The following MYH2 variants were observed in gnomAD, a reference collection of about 807,000 sequenced individuals.
The protein encoded by MYH2 is myosin-2.
A neutral mutation model predicts 228.1 loss-of-function variants in MYH2; 139 were observed. That is an observed-to-expected ratio of 0.61 (90% CI 0.53 to 0.70). The LOEUF (loss-of-function observed/expected upper bound fraction) is 0.70. Ranked by LOEUF, MYH2 falls within the 30% of genes least tolerant of loss-of-function variation. The pLI is 0.00. For synonymous variants in MYH2, 796 were observed against 871.1 expected, an observed-to-expected ratio of 0.91 and a Z score of 1.52; for missense variants, 1,809 against 2,357.5, an observed-to-expected ratio of 0.77 and a Z score of 4.82.
chr17:10,547,207 G>A (rs2073646524), intron 4 of MYH2, among the ~76,000 whole-genome samples: 1 of 152,342 alleles, frequency 6.6e-6, no homozygotes, highest in Non-Finnish European at 1.5e-5. Context: ...TGAAATATAA[G>A]TAGTAACTGC....
At chr17:10,521,892 G>A (rs2073290087) in intron 39 of MYH2, among the ~76,000 whole-genome samples, 2 of 151,938 alleles carry the variant, frequency 1.3e-5, no homozygotes, top group Non-Finnish European at 2.9e-5. Context: ...TTTTCCTCCT[G>A]CATTGGATGT....
In MYH2 at chr17:10,523,766, A is replaced by G; in HGVS notation, c.5294T>C (p.Ile1765Thr). 6.2e-7 allele frequency: 1 copy of G among 1,614,244 alleles called. No individual in the cohort carries two copies. The change falls in exon 36 of 40, where the codon ATC becomes ACC. Residue 1765 changes from isoleucine (I) to threonine (T), a missense_variant. Physicochemically the swap from Ile to Thr is moderately conservative, Grantham distance 89. Around this residue, in one of 9 missense-constraint regions of MYH2, gnomAD observed 278 missense variants for 308.5 expected, o/e 0.90. Coordinates refer to ENST00000245503, the MANE Select transcript of MYH2 (RefSeq NM_017534.6). ...RNAEEKAKKA[I>T]TDAAMMAEEL... ...AGTGTGCCTGCCACTCACATCAGTGATGGCCTTCTTGGCCTTTTCTTCTGC... is the reference window on the plus strand; with the variant it reads ...AGTGTGCCTGCCACTCACATCAGTGGTGGCCTTCTTGGCCTTTTCTTCTGC...
Position 10,529,597 on chromosome 17 carries a change from T to C in MYH2, c.3084A>G (p.Lys1028=), listed in dbSNP as rs2073399605. 6.2e-7 allele frequency: 1 copy of C among 1,614,178 alleles called. No individual in the cohort carries two copies. Residue 1028 remains lysine (K), a synonymous_variant, in exon 24 of 40, where the codon AAA becomes AAG. Coordinates refer to ENST00000245503, the MANE Select transcript of MYH2 (RefSeq NM_017534.6). ...AEEDKVNTLT[K]AKIKLEQQVD... is the part of the protein sequence containing the mutation. ...CTTGTTGTTCAAGTTTGATTTTAGC[T>C]TTGGTCAGGGTGTTGACTTTGTCCT...
chr17:10,539,082 C>G (rs1375816350), intron 14 of MYH2, 123 bp downstream of exon 14: 6 of 1,567,340 alleles, frequency 3.8e-6, no homozygotes, highest in African/African-American at 1.4e-5. Context: ...CAGTTACTCT[C>G]TTTTAAGGCT....
At chr17:10,527,632 C>A (rs965063496) in intron 28 of MYH2, 116 bp downstream of exon 28, 1 of 1,502,446 alleles carries the variant, frequency 6.7e-7, no homozygotes, top group South Asian at 1.1e-5. Context: ...CTGAGCTGTT[C>A]AGTGAATCAG....
chr17:10,535,041 T>G (rs200287492), intron 19 of MYH2, 32 bp downstream of exon 19: 535 of 1,607,422 alleles, frequency 3.3e-4, no homozygotes, highest in Non-Finnish European at 4.4e-4. Context: ...CATATTAAAC[T>G]TCAGAATACA....
rs1407553644 is a variant in MYH2, at chr17:10,524,070, C to T, written c.5176-186G>A. 1.3e-5 allele frequency among the ~76,000 whole-genome samples: 2 copies of T among 152,130 alleles called. No individual in the cohort carries two copies. The highest frequency in any genetic ancestry group is 1.9e-4 in the East Asian group (1 of 5,192). On this transcript the variant is annotated intron_variant, in intron 35 of 39. Coordinates refer to ENST00000245503, the MANE Select transcript of MYH2 (RefSeq NM_017534.6). This position sits in a 1 kb window ranked among gnomAD's most constrained non-coding sequence, Gnocchi z 4.7. ...ATAAATGTTATAGAATATTCAGCATCTTCAAGTGTATAGGTCACAAGCAGA... is the reference window on the plus strand; with the variant it reads ...ATAAATGTTATAGAATATTCAGCATTTTCAAGTGTATAGGTCACAAGCAGA...
At chr17:10,522,635 A>C (rs1193768856) in intron 39 of MYH2, among the ~76,000 whole-genome samples, 1 of 152,106 alleles carries the variant, frequency 6.6e-6, no homozygotes, top group Non-Finnish European at 1.5e-5. Context: ...TAAAGCAATG[A>C]ATTAGCCTCC....
Position 10,537,959 on chromosome 17 carries a change from G to T in MYH2, c.1417-124C>A. The T allele has an allele frequency of 1.3e-6, 2 of 1,511,224 alleles. No homozygotes were observed. Among genetic ancestry groups the T allele is most frequent in the Non-Finnish European group, 1.8e-6 (2 of 1,115,884 alleles). The allele number at this position is 1,511,224 out of a possible 1,614,324, so 93.6% of individuals were successfully genotyped here. On this transcript the variant is annotated intron_variant, in intron 14 of 39. Transcript: ENST00000245503. The surrounding 1 kb of genome is among the most constrained non-coding windows in gnomAD (Gnocchi z 4.0). The stretch of plus-strand genomic sequence containing the variant: ...ATATTACAGATATTAAAATCACTGG[G>T]TTAAAGAGACTTTGAAATAAAAGGT...
At chr17:10,545,856 T>G (rs62060667) in intron 4 of MYH2, among the ~76,000 whole-genome samples, 66,085 of 151,986 alleles carry the variant, frequency 0.43, 15,096 homozygotes, top group East Asian at 0.85. Flanking sequence ...AGGCATCAGC[T>G]TGAAAACTAG....
At chr17:10,523,923 A>G (rs779375882) in intron 35 of MYH2, 39 bp from the exon 36 acceptor site, 4 of 1,600,512 alleles carry the variant, frequency 2.5e-6, no homozygotes, top group Non-Finnish European at 2.6e-6. Context: ...AAATTGTGTT[A>G]CCAAAGTATT....
intron 4 of MYH2, among the ~76,000 whole-genome samples, chr17:10,546,455 A>G (rs1185617329): frequency 6.6e-6 from 1 of 151,980 alleles, no homozygotes; most frequent in East Asian, 1.9e-4. Flanking sequence ...TGAATATAGT[A>G]TAATAAATTT....
At chr17:10,540,106 C>G (rs1362145188) in intron 11 of MYH2, 40 bp from the exon 12 acceptor site, 2 of 1,613,068 alleles carry the variant, frequency 1.2e-6, no homozygotes, top group Non-Finnish European at 1.7e-6. Context: ...AGGTTGTGAT[C>G]CACACGCTTA....
chr17:10,525,549 G>A lies in MYH2; in HGVS notation c.4439C>T (p.Ala1480Val), dbSNP rs1303566428. ...GAACAGCTCAGTGCCAAGGGAACGG[G>A]CCTCCTTCTGGGAGGCCTCAAGCTC... ...HAELEASQKE[A>V]RSLGTELFKI... The change falls in exon 32 of 40, where the codon GCC becomes GTC. Residue 1480 changes from alanine to valine, a missense_variant. Transcript: ENST00000245503. This position sits in a 1 kb window ranked among gnomAD's most constrained non-coding sequence, Gnocchi z 4.2. 4 of 1,614,026 alleles carry A rather than the reference G, an allele frequency of 2.5e-6. No individual in the cohort carries two copies. The highest frequency in any genetic ancestry group is 2.5e-6 in the Non-Finnish European group (3 of 1,180,030).
chr17:10,523,563 C>T lies in MYH2; in HGVS notation c.5405G>A (p.Arg1802His), dbSNP rs777282924. ...MEQTVKDLQL[R>H]LDEAEQLALK... ...GGCCAGCTGCTCAGCCTCATCCAGA[C>T]GGAGCTGCAGATCCTTCACGGTCTG... The change falls in exon 37 of 40, where the codon CGT becomes CAT. Residue 1802 changes from arginine (R) to histidine (H), a missense_variant. Physicochemically the swap from Arg to His is conservative, Grantham distance 29. Around this residue, in one of 9 missense-constraint regions of MYH2, gnomAD observed 278 missense variants for 308.5 expected, o/e 0.90. Coordinates refer to ENST00000245503, the MANE Select transcript of MYH2 (RefSeq NM_017534.6). 6.1e-5 allele frequency: 98 copies of T among 1,614,088 alleles called. No individual in the cohort carries two copies. Among genetic ancestry groups the T allele is most frequent in the Non-Finnish European group, 7.1e-5 (84 of 1,180,046 alleles).
intron 12 of MYH2, 53 bp from the exon 13 acceptor site, chr17:10,539,615 TC>T (rs2073527267): frequency 1.3e-6 from 2 of 1,512,080 alleles, no homozygotes; most frequent in Admixed American, 1.7e-5. Flanking sequence ...GAAACCCACT[TC>T]CTTAAAAATA....
chr17:10,541,760 C>G (rs1242441174), intron 10 of MYH2, among the ~76,000 whole-genome samples: 1 of 152,136 alleles, frequency 6.6e-6, no homozygotes, highest in Non-Finnish European at 1.5e-5. Flanking sequence ...TAAAATTTCT[C>G]TCTTTTGTAC....
rs201768483 is a variant in MYH2, at chr17:10,528,893, G to A, written c.3541C>T (p.Arg1181Cys). The stretch of plus-strand genomic sequence containing the variant: ...AGGGTGGCCTCCTCCAGGTCCCTGC[G>A]CATTTTCTGGAACTCAGCCTCCCGC... ...KKREAEFQKM[R>C]RDLEEATLQH... is the part of the protein sequence containing the mutation. Residue 1181 changes from arginine to cysteine, a missense_variant, in exon 27 of 40, where the codon CGC (arginine) becomes TGC (cysteine). Arg to Cys is a radical substitution (Grantham distance 180). Coordinates refer to ENST00000245503, the MANE Select transcript of MYH2 (RefSeq NM_017534.6). The A allele has an allele frequency of 3.1e-5, 50 of 1,614,054 alleles. No homozygotes were observed. The highest frequency in any genetic ancestry group is 3.3e-4 in the Middle Eastern group (2 of 6,078).
chr17:10,528,068 A>G (rs1164262022), intron 27 of MYH2, among the ~76,000 whole-genome samples, 194 bp from the exon 28 acceptor site: 3 of 137,282 alleles, frequency 2.2e-5, no homozygotes, highest in Non-Finnish European at 4.7e-5. Flanking sequence ...TTTTTGAGAC[A>G]GAGTCTTGCT....
Sources: gnomAD v4.1 joint callset for allele counts (sites outside exome capture counted in the v4.1 genomes callset) on GRCh38, gnomAD v4.1.1 for gene constraint, gnomAD v4.1.1 regional missense constraint, Gnocchi (gnomAD v3.1) non-coding constraint, MANE v1.5 for transcripts, NCBI Gene and HGNC (gene_info 2026-07-23, HGNC 2026-07-21) for gene names.